GPR39: variants seen among roughly 807,000 people sequenced by gnomAD.
GPR39 encodes G protein-coupled receptor 39.
Under a neutral mutation model 18.4 loss-of-function variants are expected in GPR39, and 23 were observed. The ratio of observed to expected loss-of-function variants is 1.25; its 90% CI spans 0.90 to 1.77. The LOEUF (loss-of-function observed/expected upper bound fraction) is 1.77, where lower values mean the gene tolerates loss of function less well. Ranked by LOEUF, GPR39 falls within the 40% of genes most tolerant of loss-of-function variation. The pLI, the probability that GPR39 is intolerant of heterozygous loss-of-function variation, is 0.00. For synonymous variants in GPR39, 280 were observed against 257.9 expected (o/e 1.09, Z -0.82); for missense variants, 647 against 602.4 (o/e 1.07, Z -0.78).
At chr2:132,594,717 CT>C (rs1441076061) in intron 1 of GPR39, among the ~76,000 whole-genome samples, 1 of 151,706 alleles carries the variant, frequency 6.6e-6, no homozygotes, top group Non-Finnish European at 1.5e-5. Context: ...ACCGAGATAC[CT>C]CTTAAAGACA....
At chr2:132,516,597 T>G (rs1407218767) in intron 1 of GPR39, among the ~76,000 whole-genome samples, 1 of 152,212 alleles carries the variant, frequency 6.6e-6, no homozygotes, top group Non-Finnish European at 1.5e-5. Context: ...TCTGCATTTT[T>G]CAGCCGGCCA....
chr2:132,508,992 G>A (rs1483252377), intron 1 of GPR39, among the ~76,000 whole-genome samples: 2 of 152,248 alleles, frequency 1.3e-5, no homozygotes, highest in African/African-American at 2.4e-5. Flanking sequence ...AGATACAAGG[G>A]ATGGGGCCCC....
intron 1 of GPR39, among the ~76,000 whole-genome samples, chr2:132,496,498 G>A (rs939652438): frequency 2.0e-5 from 3 of 152,278 alleles, no homozygotes; most frequent in East Asian, 1.9e-4. Flanking sequence ...AAATAACGTG[G>A]TGATAACTTT....
chr2:132,570,604 G>A (rs187505969), intron 1 of GPR39, among the ~76,000 whole-genome samples: 10 of 152,222 alleles, frequency 6.6e-5, no homozygotes, highest in Admixed American at 1.3e-4. Flanking sequence ...CAAGACACAT[G>A]AAAAGGACAC....
intron 1 of GPR39, among the ~76,000 whole-genome samples, chr2:132,617,791 C>T (rs1294545469): frequency 1.3e-5 from 2 of 152,178 alleles, no homozygotes; most frequent in African/African-American, 2.4e-5. Context: ...GATCTGAGTT[C>T]AAACACAGGC....
intron 1 of GPR39, among the ~76,000 whole-genome samples, chr2:132,503,879 G>A (rs1391125448): frequency 6.6e-6 from 1 of 152,176 alleles, no homozygotes; most frequent in Non-Finnish European, 1.5e-5. Flanking sequence ...GGAACTGGGG[G>A]AAAGCTAGCT....
In GPR39 at chr2:132,645,265, C is replaced by A; in HGVS notation, c.1021C>A (p.Pro341Thr). The A allele has an allele frequency of 6.2e-7, 1 of 1,614,178 alleles. No homozygotes were observed. The highest frequency in any genetic ancestry group is 1.1e-5 in the South Asian group (1 of 91,068). Residue 341 changes from proline to threonine, a missense_variant, in exon 2 of 2, where the codon CCG becomes ACG. By Grantham distance (38) the Pro-to-Thr change is conservative. Transcript: ENST00000329321. The part of the protein sequence containing the change: ...TFFYLSSVIN[P>T]LLYTVSSQQF... The stretch of plus-strand genomic sequence containing the variant: ...TTTCTACCTCAGCTCGGTCATCAAC[C>A]CGCTCCTGTACACGGTGTCCTCGCA...
At chr2:132,436,409 A>G (rs1458116104) in intron 1 of GPR39, among the ~76,000 whole-genome samples, 1 of 152,208 alleles carries the variant, frequency 6.6e-6, no homozygotes, top group African/African-American at 2.4e-5. Context: ...ATGTCATGCT[A>G]GTCCATCTGA....
intron 1 of GPR39, among the ~76,000 whole-genome samples, chr2:132,453,165 T>C (rs1014424436): frequency 9.9e-5 from 15 of 152,244 alleles, no homozygotes; most frequent in South Asian, 2.1e-4. Flanking sequence ...TTTTTAATGA[T>C]TGACATTCTA....
At chr2:132,489,667 A>G (rs1681419314) in intron 1 of GPR39, among the ~76,000 whole-genome samples, 1 of 151,978 alleles carries the variant, frequency 6.6e-6, no homozygotes, top group African/African-American at 2.4e-5. Context: ...TCAGTTAAAT[A>G]AGAGTGTTGA....
Position 132,417,081 on chromosome 2 carries a change from A to T in GPR39, c.39A>T (p.Gln13His), listed in dbSNP as rs1679915442. Residue 13 changes from glutamine to histidine, a missense_variant, in exon 1 of 2, where the codon CAA becomes CAT. By Grantham distance (24) the Gln-to-His change is conservative. Transcript: ENST00000329321. The part of the protein sequence containing the change: ...SPSLPGSDCS[Q>H]IIDHSHVPEF... ...GCCTCCCGGGCAGTGACTGCTCCCA[A>T]ATCATTGATCACAGTCATGTCCCCG... 1 of 1,613,926 alleles carries T rather than the reference A, an allele frequency of 6.2e-7. No individual in the cohort carries two copies. Among genetic ancestry groups the T allele is most frequent in the African/African-American group, 1.3e-5 (1 of 74,892 alleles).
At chr2:132,632,437 C>A (rs140066360) in intron 1 of GPR39, among the ~76,000 whole-genome samples, 1 of 152,282 alleles carries the variant, frequency 6.6e-6, no homozygotes, top group East Asian at 1.9e-4. Flanking sequence ...AAATTCATTC[C>A]TGAACTTGTG....
intron 1 of GPR39, among the ~76,000 whole-genome samples, chr2:132,532,477 C>T (rs1482728188): frequency 6.6e-6 from 1 of 152,122 alleles, no homozygotes; most frequent in Non-Finnish European, 1.5e-5. Flanking sequence ...AAGAGGGAAT[C>T]CTCCCTAACT....
chr2:132,589,502 G>A (rs969124857), intron 1 of GPR39, among the ~76,000 whole-genome samples: 1 of 152,084 alleles, frequency 6.6e-6, no homozygotes, highest in Non-Finnish European at 1.5e-5. Flanking sequence ...GAACTAATAG[G>A]CACTATGCTC....
chr2:132,588,287 GAAGT>G (rs1301445557), intron 1 of GPR39, among the ~76,000 whole-genome samples: 5 of 152,206 alleles, frequency 3.3e-5, no homozygotes, highest in African/African-American at 1.2e-4. Context: ...CTTCTCAGCA[GAAGT>G]AAGAGCTCTG....
intron 1 of GPR39, among the ~76,000 whole-genome samples, chr2:132,575,854 C>A (rs950860223): frequency 6.6e-6 from 1 of 152,114 alleles, no homozygotes; most frequent in Non-Finnish European, 1.5e-5. Flanking sequence ...GGAGATGGAG[C>A]TTTGAGTGGT....
At chr2:132,588,259 C>T (rs576350546) in intron 1 of GPR39, among the ~76,000 whole-genome samples, 57 of 152,296 alleles carry the variant, frequency 3.7e-4, no homozygotes, top group South Asian at 6.2e-4. Context: ...AGGTTCTCTT[C>T]GCACTTGCAC....
rs536124047 is a variant in GPR39 at position 132,507,317 on chromosome 2, T to G, written c.856+89419T>G. Among the ~76,000 whole-genome samples, 90 of 152,284 alleles carry G rather than the reference T, an allele frequency of 5.9e-4. 2 individuals carry two copies. Among genetic ancestry groups the G allele is most frequent in the East Asian group, 5.8e-4 (3 of 5,182 alleles). ...ATAGTATTCTATATTTGGTAAAGCCTTAAAAGAGATAGAAGAAGTCTTAAA... is the reference window on the plus strand; with the variant it reads ...ATAGTATTCTATATTTGGTAAAGCCGTAAAAGAGATAGAAGAAGTCTTAAA... On this transcript the variant is annotated intron_variant, in intron 1 of 1. Transcript: ENST00000329321.
At position 132,645,667 on chromosome 2, in the gene GPR39, T is replaced by C; in HGVS notation, c.*61T>C. 1.9e-6 allele frequency: 3 copies of C among 1,553,816 alleles called. No homozygotes were observed. The highest frequency in any genetic ancestry group is 2.6e-6 in the Non-Finnish European group (3 of 1,152,010). On this transcript the variant is annotated 3_prime_UTR_variant, in exon 2 of 2. Transcript: ENST00000329321. Reference sequence around the variant, plus strand: ...CTCCAGCCCTAAGAAAACGTCACTCTCACTCTGCAGTCTCAAACTATGCCC... The same window carrying C: ...CTCCAGCCCTAAGAAAACGTCACTCCCACTCTGCAGTCTCAAACTATGCCC...
Sources: gnomAD v4.1 joint callset for allele counts (sites outside exome capture counted in the v4.1 genomes callset) on GRCh38, gnomAD v4.1.1 for gene constraint, MANE v1.5 for transcripts, NCBI Gene and HGNC (gene_info 2026-07-23, HGNC 2026-07-21) for gene names.